Variants in LPP observed in about 807,000 individuals in gnomAD.
The protein encoded by LPP is lipoma-preferred partner.
LPP carries 38 observed loss-of-function variants against 60.4 expected under a neutral mutation model. That is an observed-to-expected ratio of 0.63 (90% CI 0.49 to 0.83). The LOEUF (loss-of-function observed/expected upper bound fraction) is 0.83, where lower values mean the gene tolerates loss of function less well. LPP is among the 40% of genes least tolerant of loss of function. The probability of loss-of-function intolerance (pLI) is 0.00; values close to 1 mark genes in which losing one functional copy is unlikely to be tolerated. For synonymous variants in LPP, 328 were observed against 290.8 expected (o/e 1.13, Z -1.30); for missense variants, 902 against 783.6 (o/e 1.15, Z -1.80).
At chr3:188,811,127 A>T (rs1414683476) in intron 9 of LPP, among the ~76,000 whole-genome samples, 1 of 152,082 alleles carries the variant, frequency 6.6e-6, no homozygotes, top group Non-Finnish European at 1.5e-5. Flanking sequence ...TCAGTAAATT[A>T]TTGATATAAA....
rs1203367334 is a variant in LPP, at chr3:188,203,469, T to A, written c.-189-21936T>A. Among the ~76,000 whole-genome samples, 25 of 85,174 alleles carry A rather than the reference T, an allele frequency of 2.9e-4. No individual in the cohort carries two copies. The East Asian group carries it at 4.1e-3, about 14-fold the overall frequency. The allele number at this position is 85,174 out of a possible 152,430, so 55.9% of individuals were successfully genotyped here. ...TATAAATATATATAAATATATATAT[T>A]TTTAAATATATATATATTTTTAAAT... is the stretch of plus-strand genomic sequence containing the variant. On this transcript the variant is annotated intron_variant, in intron 1 of 11. Coordinates refer to ENST00000617246, the MANE Select transcript of LPP (RefSeq NM_001375462.1).
At chr3:188,851,634 T>C (rs1762701973) in intron 9 of LPP, among the ~76,000 whole-genome samples, 1 of 152,260 alleles carries the variant, frequency 6.6e-6, no homozygotes. Context: ...TTCATTCATT[T>C]ATTCAAGTAT....
intron 2 of LPP, among the ~76,000 whole-genome samples, chr3:188,253,180 ATC>A (rs1379648792): frequency 3.3e-5 from 5 of 151,120 alleles, no homozygotes; most frequent in Middle Eastern, 3.2e-3. Context: ...TATTACACAT[ATC>A]TCTCCCAATT....
Position 188,182,772 on chromosome 3 carries a change from T to TACATATATTATATATGC in LPP, c.-190+28520_-190+28521insACATATATTATATATGC, listed in dbSNP as rs1725441237. Among the ~76,000 whole-genome samples the TACATATATTATATATGC allele has an allele frequency of 6.8e-6, 1 of 146,944 alleles. No homozygotes were observed. Among genetic ancestry groups the TACATATATTATATATGC allele is most frequent in the African/African-American group, 2.5e-5 (1 of 40,028 alleles). ...CATATATGTACATATATTATATATGTGCATATATAATATATGTACATATAC... is the reference window on the plus strand; with the variant it reads ...CATATATGTACATATATTATATATGTACATATATTATATATGCGCATATATAATATATGTACATATAC... On this transcript the variant is annotated intron_variant, in intron 1 of 11. Transcript: ENST00000617246. This position sits in a 1 kb window ranked among gnomAD's most constrained non-coding sequence, Gnocchi z 4.4.
At chr3:188,797,517 C>T (rs1745732710) in intron 9 of LPP, among the ~76,000 whole-genome samples, 1 of 152,144 alleles carries the variant, frequency 6.6e-6, no homozygotes, top group Admixed American at 6.5e-5. Flanking sequence ...CCAGATTATT[C>T]GATCTCATCT....
chr3:188,845,419 C>T (rs1161479147), intron 9 of LPP, among the ~76,000 whole-genome samples: 2 of 152,116 alleles, frequency 1.3e-5, no homozygotes, highest in Non-Finnish European at 2.9e-5. Context: ...GTTCAGTGGG[C>T]TTGAGGGAGG....
intron 2 of LPP, among the ~76,000 whole-genome samples, chr3:188,249,899 ATATTTT>A (rs1475032113): frequency 5.0e-5 from 6 of 120,378 alleles, no homozygotes; most frequent in African/African-American, 2.3e-4. Context: ...ATATATATAT[ATATTTT>A]TTTTTTTTCC....
intron 9 of LPP, among the ~76,000 whole-genome samples, chr3:188,825,269 C>CTCTCTGTGTGTGTGTGTGTGTG (rs1463318065): frequency 2.3e-4 from 23 of 101,758 alleles, no homozygotes; most frequent in East Asian, 2.0e-3. Context: ...CTCTCTCTCT[C>CTCTCTGTGTGTGTGTGTGTGTG]TGTGTGTGTG....
At chr3:188,332,823 G>A (rs998797223) in intron 2 of LPP, among the ~76,000 whole-genome samples, 2 of 152,152 alleles carry the variant, frequency 1.3e-5, no homozygotes, top group African/African-American at 4.8e-5. Flanking sequence ...ACCCATATTA[G>A]GGCTTGGTTT....
intron 9 of LPP, among the ~76,000 whole-genome samples, chr3:188,775,555 A>T (rs1041059759): frequency 6.6e-6 from 1 of 152,194 alleles, no homozygotes; most frequent in African/African-American, 2.4e-5. Context: ...TCAGAGGGTT[A>T]TTATACATTC....
intron 8 of LPP, among the ~76,000 whole-genome samples, chr3:188,746,948 C>T (rs1553826302): frequency 6.6e-6 from 1 of 152,142 alleles, no homozygotes; most frequent in Non-Finnish European, 1.5e-5. Context: ...TTTCCTTACC[C>T]TCAATCTGCC....
At chr3:188,589,642 C>T (rs1838240088) in intron 6 of LPP, among the ~76,000 whole-genome samples, 1 of 152,072 alleles carries the variant, frequency 6.6e-6, no homozygotes, top group Non-Finnish European at 1.5e-5. Context: ...AGTTATTTTG[C>T]ATTTTTTTCT....
chr3:188,201,276 A>G (rs1375509504), intron 1 of LPP, among the ~76,000 whole-genome samples: 1 of 152,322 alleles, frequency 6.6e-6, no homozygotes, highest in African/African-American at 2.4e-5. Flanking sequence ...ATGTTGATCA[A>G]TGCCCTACAC....
At chr3:188,443,516 G>A (rs771379331) in intron 4 of LPP, among the ~76,000 whole-genome samples, 6 of 152,302 alleles carry the variant, frequency 3.9e-5, no homozygotes, top group East Asian at 3.9e-4. Flanking sequence ...GTATAGAAGC[G>A]TATCGTAAGT....
At chr3:188,526,936 T>G (rs1192787075) in intron 6 of LPP, among the ~76,000 whole-genome samples, 2 of 152,212 alleles carry the variant, frequency 1.3e-5, no homozygotes, top group African/African-American at 4.8e-5. Context: ...TAGTGATATA[T>G]TCTTCTGAAG....
chr3:188,715,230 C>T (rs1204754573), intron 8 of LPP, among the ~76,000 whole-genome samples: 9 of 151,470 alleles, frequency 5.9e-5, no homozygotes, highest in African/African-American at 2.2e-4. Flanking sequence ...ATACAAAAAT[C>T]AGCTGGGCAT....
chr3:188,593,890 T>C (rs1198317800), intron 6 of LPP, among the ~76,000 whole-genome samples: 1 of 152,236 alleles, frequency 6.6e-6, no homozygotes, highest in Non-Finnish European at 1.5e-5. Flanking sequence ...CTGTGAATTG[T>C]GCTGCTATAA....
chr3:188,343,970 A>G (rs1279458414), intron 3 of LPP, among the ~76,000 whole-genome samples: 1 of 152,180 alleles, frequency 6.6e-6, no homozygotes, highest in Non-Finnish European at 1.5e-5. Flanking sequence ...CTCAACGTTG[A>G]TCCACTGACT....
rs114250448 is a variant in LPP, at chr3:188,284,643, A to T, written c.-66-57020A>T. Among the ~76,000 whole-genome samples, 821 of 152,286 alleles carry T rather than the reference A, an allele frequency of 5.4e-3. 9 individuals are homozygous for T. Among genetic ancestry groups the T allele is most frequent in the African/African-American group, 0.019 (779 of 41,546 alleles). On this transcript the variant is annotated intron_variant, in intron 2 of 11. Transcript: ENST00000617246. The stretch of plus-strand genomic sequence containing the variant: ...TGTGTATGTGTACCCACATACGTGC[A>T]TGTGTGCATGAGTGTGTATTGGTAA...
Sources: gnomAD v4.1 joint callset for allele counts (sites outside exome capture counted in the v4.1 genomes callset) on GRCh38, gnomAD v4.1.1 for gene constraint, Gnocchi (gnomAD v3.1) non-coding constraint, MANE v1.5 for transcripts, NCBI Gene and HGNC (gene_info 2026-07-23, HGNC 2026-07-21) for gene names.